Variants in PHF21B observed in about 807,000 individuals in gnomAD.
PHF21B encodes the protein PHD finger protein 4.
A neutral mutation model predicts 62.2 loss-of-function variants in PHF21B; 22 were observed. That is an observed-to-expected ratio of 0.35 (90% CI 0.25 to 0.51). PHF21B has a LOEUF of 0.51. Among genes scored for constraint, PHF21B ranks in the 20% least tolerant of loss-of-function variants. The pLI is 0.97. For missense variants in PHF21B, 701 were observed against 707.9 expected, an observed-to-expected ratio of 0.99 and a Z score of 0.11; for synonymous variants, 341 against 314.7, an observed-to-expected ratio of 1.08 and a Z score of -0.88.
intron 2 of PHF21B, among the ~76,000 whole-genome samples, chr22:44,943,830 C>T (rs1408999627): frequency 3.3e-5 from 5 of 152,114 alleles, no homozygotes; most frequent in African/African-American, 9.7e-5. Context: ...GCACCATGCT[C>T]GTGGGGCACC....
At chr22:44,984,778 A>C (rs2072917253) in intron 2 of PHF21B, among the ~76,000 whole-genome samples, 1 of 152,234 alleles carries the variant, frequency 6.6e-6, no homozygotes, top group Non-Finnish European at 1.5e-5. Context: ...ACTGTTTTCT[A>C]TTCCTGTTAT....
intron 2 of PHF21B, chr22:45,001,975 T>C (rs939974343): frequency 1.3e-5 from 2 of 152,266 alleles, no homozygotes; most frequent in Non-Finnish European, 2.9e-5. Flanking sequence ...TGAGCACGTG[T>C]TGCTTTTCTA....
intron 2 of PHF21B, among the ~76,000 whole-genome samples, chr22:44,982,496 G>A (rs1199292046): frequency 1.3e-5 from 2 of 152,158 alleles, no homozygotes; most frequent in Non-Finnish European, 2.9e-5. Context: ...CAAGTCTGCA[G>A]GACTCTAAGC....
At position 44,990,816 on chromosome 22, in the gene PHF21B, C is replaced by T. The variant is rs528243161; in HGVS notation, c.120+17729G>A. On this transcript the variant is annotated intron_variant, in intron 2 of 12. Coordinates refer to ENST00000313237, the MANE Select transcript of PHF21B (RefSeq NM_138415.5). ...ACTGGGCACTTAAAAATGGTGAAGA[C>T]GGTAAGTTTTATGTTATGTCCATTT... 7.9e-5 allele frequency among the ~76,000 whole-genome samples: 12 copies of T among 152,258 alleles called. 1 individual carries two copies. In the South Asian group the frequency reaches 8.3e-4, roughly 11 times the overall value.
chr22:45,009,979 G>C lies in PHF21B; in HGVS notation c.-430C>G, dbSNP rs1196685323. The C allele has an allele frequency of 6.8e-6, 1 of 146,254 alleles. No individual in the cohort carries two copies. The highest frequency in any genetic ancestry group is 6.8e-5 in the Admixed American group (1 of 14,744). 9.1% of individuals were successfully genotyped at this position (146,254 alleles called of 1,614,324 possible). A position where few individuals can be genotyped will look rare whatever the true frequency, so the allele number is the denominator to read the frequency against. On this transcript the variant is annotated 5_prime_UTR_variant, in exon 1 of 13. Transcript: ENST00000313237. The surrounding 1 kb of genome is among the most constrained non-coding windows in gnomAD (Gnocchi z 5.9). ...TCTCGTTGGGCCTCGGCAAAGTTGTGCCTCGGCACGATGCTAATTCGGCAG... is the reference window on the plus strand; with the variant it reads ...TCTCGTTGGGCCTCGGCAAAGTTGTCCCTCGGCACGATGCTAATTCGGCAG...
chr22:44,954,336 C>A (rs2072252107), intron 2 of PHF21B, among the ~76,000 whole-genome samples: 1 of 152,234 alleles, frequency 6.6e-6, no homozygotes, highest in Admixed American at 6.5e-5. Flanking sequence ...CGCAGGCTGC[C>A]CTTCCTCCAG....
chr22:44,948,615 C>G (rs1057455625), intron 2 of PHF21B, among the ~76,000 whole-genome samples: 3 of 150,926 alleles, frequency 2.0e-5, no homozygotes. Flanking sequence ...CGCTCGAACC[C>G]GGGAGGCAGA....
chr22:44,911,446 G>T (rs1024186201), intron 5 of PHF21B, among the ~76,000 whole-genome samples: 1 of 152,086 alleles, frequency 6.6e-6, no homozygotes, highest in Non-Finnish European at 1.5e-5. Context: ...TCTTAGGCTG[G>T]GCCCAGGGTC....
In PHF21B at chr22:44,893,448, G is replaced by C. The variant is rs1306384153; in HGVS notation, c.960+9C>G. 1 of 1,590,296 alleles carries C rather than the reference G, an allele frequency of 6.3e-7. No individual in the cohort carries two copies. Among genetic ancestry groups the C allele is most frequent in the Non-Finnish European group, 8.6e-7 (1 of 1,169,012 alleles). ...CCTCCTGGTGGCATGGGGCTGGCGG[G>C]TTCCCCACCTCGGTCTCCAGGAGGC... On this transcript the variant is annotated intron_variant, in intron 7 of 12. Transcript: ENST00000313237.
intron 5 of PHF21B, chr22:44,902,370 ACCTGAGATCTGTG>A (rs1201536926): frequency 2.9e-6 from 1 of 345,928 alleles, no homozygotes; most frequent in Non-Finnish European, 5.8e-6. Context: ...CTCCAGGGCT[ACCTGAGATCTGTG>A]TTTGCCCTGA....
chr22:44,975,673 G>C (rs1326145802), intron 2 of PHF21B, among the ~76,000 whole-genome samples: 1 of 152,188 alleles, frequency 6.6e-6, no homozygotes, highest in African/African-American at 2.4e-5. Context: ...CCAAAGCTGC[G>C]GCCAAATCAG....
At chr22:44,887,830 G>A in intron 10 of PHF21B, 133 bp downstream of exon 10, 3 of 912,478 alleles carry the variant, frequency 3.3e-6, no homozygotes, top group Non-Finnish European at 4.4e-6. Context: ...AGCCCCAAAT[G>A]TCAATTGTGC....
chr22:44,932,268 G>A (rs1223670364), intron 2 of PHF21B, among the ~76,000 whole-genome samples: 6 of 152,230 alleles, frequency 3.9e-5, no homozygotes, highest in Non-Finnish European at 2.9e-5. Context: ...CCCCAGAGAG[G>A]AGAGGTGCTG....
chr22:44,935,945 C>T (rs571118288), intron 2 of PHF21B, among the ~76,000 whole-genome samples: 11 of 152,212 alleles, frequency 7.2e-5, no homozygotes, highest in African/African-American at 1.4e-4. Flanking sequence ...CCTGGCGCCA[C>T]GCCGTGCTGC....
intron 6 of PHF21B, among the ~76,000 whole-genome samples, chr22:44,894,286 TATAAA>T (rs2071018913): frequency 6.6e-6 from 1 of 152,158 alleles, no homozygotes; most frequent in African/African-American, 2.4e-5. Flanking sequence ...GAGGACTATT[TATAAA>T]ACCAATAATG....
chr22:44,962,140 T>G (rs184935964), intron 2 of PHF21B, among the ~76,000 whole-genome samples: 1 of 152,302 alleles, frequency 6.6e-6, no homozygotes, highest in East Asian at 1.9e-4. Flanking sequence ...TTAATGGGAT[T>G]GCTGGGTCGA....
intron 2 of PHF21B, among the ~76,000 whole-genome samples, chr22:44,928,153 T>C (rs1047466161): frequency 6.6e-6 from 1 of 152,108 alleles, no homozygotes; most frequent in African/African-American, 2.4e-5. Flanking sequence ...GCAGAGGGGT[T>C]CCAGCGCTGG....
chr22:44,946,150 G>T (rs749548475), intron 2 of PHF21B, among the ~76,000 whole-genome samples: 2 of 152,154 alleles, frequency 1.3e-5, no homozygotes, highest in Non-Finnish European at 2.9e-5. Context: ...GAGTGGTCAC[G>T]GAAGGCTTCC....
intron 7 of PHF21B, among the ~76,000 whole-genome samples, chr22:44,892,362 G>A (rs2070981746): frequency 6.6e-6 from 1 of 152,248 alleles, no homozygotes; most frequent in Admixed American, 6.5e-5. Context: ...AGGCTGATGA[G>A]GCCAGAGGAC....
Sources: allele counts gnomAD v4.1 joint callset (sites outside exome capture counted in the v4.1 genomes callset), GRCh38; gene constraint gnomAD v4.1.1; non-coding constraint Gnocchi (gnomAD v3.1); transcripts MANE v1.5; gene names NCBI Gene and HGNC (gene_info 2026-07-23, HGNC 2026-07-21).